The following AKAP19 variants were observed in gnomAD, a reference collection of about 807,000 sequenced individuals.
AKAP19 encodes the protein small A-kinase anchoring protein.
the AKAP19 span, among the ~76,000 whole-genome samples, chr2:190,061,731 A>C: frequency 1.3e-5 from 2 of 152,068 alleles, no homozygotes; most frequent in Non-Finnish European, 1.5e-5. Context: ...TGTGAAGAAC[A>C]AAAAAATTAC....
chr2:190,002,289 G>A, the AKAP19 span, among the ~76,000 whole-genome samples: 1 of 152,192 alleles, frequency 6.6e-6, no homozygotes, highest in South Asian at 2.1e-4. Context: ...TGCTTTGCTT[G>A]TTATCTTGTT....
At chr2:190,146,894 A>G in the AKAP19 span, among the ~76,000 whole-genome samples, 1 of 152,096 alleles carries the variant, frequency 6.6e-6, no homozygotes, top group Non-Finnish European at 1.5e-5. Flanking sequence ...TAGATTCTGA[A>G]TATTAGTCCT....
At chr2:189,993,197 C>A in the AKAP19 span, among the ~76,000 whole-genome samples, 1 of 152,090 alleles carries the variant, frequency 6.6e-6, no homozygotes, top group Non-Finnish European at 1.5e-5. Flanking sequence ...CCCTTCTATG[C>A]GGATTTTGCT....
the AKAP19 span, among the ~76,000 whole-genome samples, chr2:189,907,522 G>A: frequency 4.6e-5 from 7 of 151,794 alleles, no homozygotes; most frequent in African/African-American, 1.7e-4. Context: ...TATAATCTAC[G>A]TTATTTTATT....
chr2:190,150,823 G>A, the AKAP19 span, among the ~76,000 whole-genome samples: 9 of 149,762 alleles, frequency 6.0e-5, no homozygotes, highest in Admixed American at 2.7e-4. Flanking sequence ...ATTTGAAAGC[G>A]TTTGTTTCCC....
chr2:189,980,632 G>C, the AKAP19 span, among the ~76,000 whole-genome samples: 1 of 152,272 alleles, frequency 6.6e-6, no homozygotes, highest in Admixed American at 6.5e-5. Flanking sequence ...ACCATGCCCA[G>C]CCCAAATTTT....
chr2:189,984,803 C>T, the AKAP19 span, among the ~76,000 whole-genome samples: 14 of 152,052 alleles, frequency 9.2e-5, no homozygotes, highest in Non-Finnish European at 8.8e-5. Flanking sequence ...TGGCTTCAGC[C>T]GGTCCCTCTG....
the AKAP19 span, among the ~76,000 whole-genome samples, chr2:190,196,137 C>T: frequency 2.0e-5 from 3 of 151,974 alleles, no homozygotes; most frequent in African/African-American, 7.2e-5. Context: ...CTAATTGTCC[C>T]TCCCCAACCC....
At chr2:189,986,126 A>T in the AKAP19 span, among the ~76,000 whole-genome samples, 1 of 152,124 alleles carries the variant, frequency 6.6e-6, no homozygotes, top group Non-Finnish European at 1.5e-5. Flanking sequence ...CTAAAATCTA[A>T]ACTACCCTCC....
chr2:189,891,765 T>C, the AKAP19 span, among the ~76,000 whole-genome samples: 1 of 152,142 alleles, frequency 6.6e-6, no homozygotes, highest in Non-Finnish European at 1.5e-5. Flanking sequence ...TTTCCTGGAT[T>C]TGAATGTTGG....
At chr2:189,996,722 T>C in the AKAP19 span, among the ~76,000 whole-genome samples, 1 of 152,228 alleles carries the variant, frequency 6.6e-6, no homozygotes, top group Non-Finnish European at 1.5e-5. Flanking sequence ...TTGGATAGAC[T>C]ATTTTAGTGG....
At chr2:190,067,777 T>C in the AKAP19 span, among the ~76,000 whole-genome samples, 2 of 152,174 alleles carry the variant, frequency 1.3e-5, no homozygotes, top group African/African-American at 4.8e-5. Context: ...TCAGGAAAAC[T>C]TCAAAATGCA....
At chr2:190,046,978 A>G in the AKAP19 span, among the ~76,000 whole-genome samples, 17 of 152,204 alleles carry the variant, frequency 1.1e-4, 1 homozygote, top group African/African-American at 4.8e-5. Context: ...CACACACAGA[A>G]AAAAAGGGCA....
chr2:190,016,522 T>A, the AKAP19 span, among the ~76,000 whole-genome samples: 1 of 152,212 alleles, frequency 6.6e-6, no homozygotes, highest in African/African-American at 2.4e-5. Flanking sequence ...AGAGGAGATT[T>A]GGATGGGGAC....
the AKAP19 span, among the ~76,000 whole-genome samples, chr2:190,044,403 C>T: frequency 1.3e-5 from 2 of 152,214 alleles, no homozygotes; most frequent in African/African-American, 4.8e-5. Context: ...GTGTGGGGCC[C>T]ATGGGAAATA....
At chr2:190,053,345 A>G in the AKAP19 span, among the ~76,000 whole-genome samples, 7 of 152,194 alleles carry the variant, frequency 4.6e-5, no homozygotes, top group African/African-American at 1.7e-4. Context: ...TGTGTAATCT[A>G]GGAAAAAATA....
chr2:189,924,881 A>G, the AKAP19 span, among the ~76,000 whole-genome samples: 3 of 151,740 alleles, frequency 2.0e-5, no homozygotes, highest in Admixed American at 6.5e-5. Flanking sequence ...AAACCAGGGG[A>G]AAAAATAAAT....
the AKAP19 span, among the ~76,000 whole-genome samples, chr2:189,992,154 C>G: frequency 6.6e-6 from 1 of 151,254 alleles, no homozygotes; most frequent in Non-Finnish European, 1.5e-5. Flanking sequence ...CTCCTGGACT[C>G]AAGCAATTCT....
the AKAP19 span, among the ~76,000 whole-genome samples, chr2:190,145,884 T>A: frequency 5.3e-4 from 42 of 79,884 alleles, no homozygotes; most frequent in Non-Finnish European, 1.1e-3. Context: ...TATATATATA[T>A]ATAAAGAGAT....
Sources: allele counts gnomAD v4.1 joint callset (sites outside exome capture counted in the v4.1 genomes callset), GRCh38; gene constraint gnomAD v4.1.1; transcripts MANE v1.5; gene names NCBI Gene and HGNC (gene_info 2026-07-23, HGNC 2026-07-21).